The following AMBRA1 variants were observed in gnomAD, a reference collection of about 807,000 sequenced individuals.
The protein encoded by AMBRA1 is autophagy and beclin 1 regulator 1.
A neutral mutation model predicts 125.4 loss-of-function variants in AMBRA1; 47 were observed. The ratio of observed to expected loss-of-function variants is 0.37; its 90% CI spans 0.30 to 0.48. AMBRA1 has a LOEUF of 0.48. Ranked by LOEUF, AMBRA1 falls within the 20% of genes least tolerant of loss-of-function variation. The probability of loss-of-function intolerance (pLI) is 0.99; values close to 1 mark genes in which losing one functional copy is unlikely to be tolerated. For synonymous variants in AMBRA1, 626 were observed against 655.5 expected, an observed-to-expected ratio of 0.95 and a Z score of 0.69; for missense variants, 1,331 against 1,693.4, an observed-to-expected ratio of 0.79 and a Z score of 3.76.
intron 1 of AMBRA1, among the ~76,000 whole-genome samples, chr11:46,572,796 A>T (rs1224209045): frequency 6.6e-6 from 1 of 152,158 alleles, no homozygotes; most frequent in Non-Finnish European, 1.5e-5. Context: ...CACCAGATTT[A>T]AAAATAAGTA....
At chr11:46,415,118 G>A (rs1946476642) in intron 15 of AMBRA1, among the ~76,000 whole-genome samples, 2 of 152,204 alleles carry the variant, frequency 1.3e-5, no homozygotes, top group Admixed American at 6.5e-5. Flanking sequence ...GGGAATGGGT[G>A]TGCCAGGGAG....
At chr11:46,467,737 T>G (rs1296837424) in intron 11 of AMBRA1, among the ~76,000 whole-genome samples, 1 of 152,144 alleles carries the variant, frequency 6.6e-6, no homozygotes, top group Non-Finnish European at 1.5e-5. Context: ...TTTCACCATG[T>G]CAGCTAGGCT....
chr11:46,518,383 T>C (rs112698925), intron 7 of AMBRA1: 1,758 of 157,826 alleles, frequency 0.011, 43 homozygotes, highest in African/African-American at 0.05. Context: ...TGAGCCAAGA[T>C]AGCGCCGCTG....
chr11:46,572,021 A>G (rs1433967999), intron 1 of AMBRA1, among the ~76,000 whole-genome samples: 1 of 152,096 alleles, frequency 6.6e-6, no homozygotes, highest in Non-Finnish European at 1.5e-5. Flanking sequence ...TTAGATTCAC[A>G]GCCAGGCGTG....
In AMBRA1 at chr11:46,434,910, G is replaced by T. The variant is rs755920501; in HGVS notation, c.2760C>A (p.Ile920=). 1.9e-6 allele frequency: 3 copies of T among 1,614,132 alleles called. No individual in the cohort carries two copies. Among genetic ancestry groups the T allele is most frequent in the South Asian group, 2.2e-5 (2 of 91,062 alleles). Residue 920 remains isoleucine, a synonymous_variant, in exon 13 of 18, where the codon ATC becomes ATA. Coordinates refer to ENST00000683756, the MANE Select transcript of AMBRA1 (RefSeq NM_001387011.1). ...GGGGGGCCAGGGAGTACACTGCCAG[G>T]ATGCCTTCATCAGGAAAGCCCCTCT... The part of the protein sequence containing the change: ...SSQRGFPDEG[I]LAVYSLAPHN...
Position 46,542,826 on chromosome 11 carries a change from C to T in AMBRA1, c.1191G>A (p.Gly397=). The T allele has an allele frequency of 6.2e-7, 1 of 1,614,050 alleles. No homozygotes were observed. The highest frequency in any genetic ancestry group is 8.5e-7 in the Non-Finnish European group (1 of 1,179,996). ...SLGPTRRSLG[G]PLSSHPSRYH... ...ACCTAGAAGGGTGGCTAGACAGAGG[C>T]CCTCCCAAAGAGCGGCGGGTAGGAC... Residue 397 remains glycine (G), a synonymous_variant, in exon 7 of 18, where the codon GGG becomes GGA. Transcript: ENST00000683756. This position sits in a 1 kb window ranked among gnomAD's most constrained non-coding sequence, Gnocchi z 5.9.
At position 46,543,240 on chromosome 11, in the gene AMBRA1, T is replaced by C. The variant is rs375149264; in HGVS notation, c.777A>G (p.Gln259=). ...SRSSGIQVGE[Q]STVQDSATPS... is the part of the protein sequence containing the mutation. ...GGGTAGCAGAATCTTGCACTGTGCTTTGCTCTCCCACCTGGATGCCAGAAG... is the reference window on the plus strand; with the variant it reads ...GGGTAGCAGAATCTTGCACTGTGCTCTGCTCTCCCACCTGGATGCCAGAAG... Residue 259 remains glutamine, a synonymous_variant, in exon 7 of 18, where the codon CAA becomes CAG. Transcript: ENST00000683756. 165 of 1,613,286 alleles carry C rather than the reference T, an allele frequency of 1.0e-4. No homozygotes were observed. The highest frequency in any genetic ancestry group is 1.3e-4 in the Non-Finnish European group (154 of 1,179,894).
chr11:46,425,034 T>G (rs1456483565), intron 14 of AMBRA1, among the ~76,000 whole-genome samples: 3 of 152,196 alleles, frequency 2.0e-5, no homozygotes, highest in Admixed American at 6.5e-5. Flanking sequence ...CCTGGGAGGC[T>G]GAGGCAGGAG....
At chr11:46,491,436 G>A (rs1255341640) in intron 11 of AMBRA1, 2 of 152,108 alleles carry the variant, frequency 1.3e-5, no homozygotes, top group African/African-American at 2.4e-5. Context: ...TGTAAAGCAC[G>A]TAAAACACTC....
intron 1 of AMBRA1, among the ~76,000 whole-genome samples, chr11:46,590,954 T>G (rs568008114): frequency 1.3e-5 from 2 of 151,602 alleles, no homozygotes; most frequent in South Asian, 4.2e-4. Context: ...AAAAGCTGAA[T>G]GAACTTCTAT....
chr11:46,501,807 C>T (rs371813110), intron 9 of AMBRA1, among the ~76,000 whole-genome samples: 19 of 152,226 alleles, frequency 1.2e-4, no homozygotes, highest in African/African-American at 3.1e-4. Flanking sequence ...TGCTTGGTGA[C>T]GTTTTTGTAG....
intron 17 of AMBRA1, among the ~76,000 whole-genome samples, chr11:46,403,732 C>T (rs1417162558): frequency 6.6e-6 from 1 of 152,116 alleles, no homozygotes; most frequent in Non-Finnish European, 1.5e-5. Flanking sequence ...GAGGGCTCCT[C>T]CTGGAAGGCC....
Position 46,543,176 on chromosome 11 carries a change from G to A in AMBRA1, c.841C>T (p.Arg281Cys), listed in dbSNP as rs763377664. ...CTGATGTAAGCGGAAGTCCTGGGGC[G>A]CTCCGTGGAGGGCTGAGGGGGAGGC... ...PPPPPQPSTE[R>C]PRTSAYIRLR... The change falls in exon 7 of 18, where the codon CGC (arginine) becomes TGC (cysteine). Residue 281 changes from arginine to cysteine, a missense_variant. This residue lies in a region of AMBRA1 where 689 missense variants were observed against 776.5 expected (regional missense o/e 0.89). Coordinates refer to ENST00000683756, the MANE Select transcript of AMBRA1 (RefSeq NM_001387011.1). The A allele has an allele frequency of 5.3e-5, 83 of 1,570,594 alleles. No homozygotes were observed. Among genetic ancestry groups the A allele is most frequent in the African/African-American group, 8.1e-5 (6 of 73,910 alleles).
At position 46,419,691 on chromosome 11, in the gene AMBRA1, T is replaced by C. The variant is rs146772605; in HGVS notation, c.2977-1639A>G. ...TGCCTTTACCTGCCCCCAGGGTTGA[T>C]AGAAGGGGAAAAAAAGAGAAAACAA... On this transcript the variant is annotated intron_variant, in intron 14 of 17. Coordinates refer to ENST00000683756, the MANE Select transcript of AMBRA1 (RefSeq NM_001387011.1). 3.6e-4 allele frequency among the ~76,000 whole-genome samples: 54 copies of C among 152,082 alleles called. No homozygotes were observed. In the East Asian group the frequency reaches 5.6e-3, roughly 16 times the overall value.
chr11:46,401,062 C>T (rs1263646537), intron 17 of AMBRA1, among the ~76,000 whole-genome samples: 2 of 152,176 alleles, frequency 1.3e-5, no homozygotes, highest in African/African-American at 2.4e-5. Context: ...AGAGATTCTA[C>T]CCTGGGAGCC....
At chr11:46,428,529 G>A in intron 14 of AMBRA1, 9 of 869,658 alleles carry the variant, frequency 1.0e-5, no homozygotes, top group Non-Finnish European at 1.6e-5. Flanking sequence ...CAAGTTCCTA[G>A]TGCCTCTAGG....
intron 10 of AMBRA1, 183 bp from the exon 11 acceptor site, chr11:46,493,891 T>C: frequency 1.6e-6 from 1 of 641,656 alleles, no homozygotes; most frequent in Non-Finnish European, 2.7e-6. Context: ...CCCTTCCTTC[T>C]AAAGTTCCCC....
chr11:46,537,045 T>G (rs917318611), intron 7 of AMBRA1, among the ~76,000 whole-genome samples: 1 of 152,228 alleles, frequency 6.6e-6, no homozygotes, highest in East Asian at 1.9e-4. Context: ...TGCTGGAATT[T>G]TAATAGTGAA....
At chr11:46,549,447 T>G (rs2042922921) in intron 1 of AMBRA1, among the ~76,000 whole-genome samples, 1 of 152,190 alleles carries the variant, frequency 6.6e-6, no homozygotes. Context: ...TCTATCTCCA[T>G]GGATAGAGAT....
Sources: gnomAD v4.1 joint callset for allele counts (sites outside exome capture counted in the v4.1 genomes callset) on GRCh38, gnomAD v4.1.1 for gene constraint, gnomAD v4.1.1 regional missense constraint, Gnocchi (gnomAD v3.1) non-coding constraint, MANE v1.5 for transcripts, NCBI Gene and HGNC (gene_info 2026-07-23, HGNC 2026-07-21) for gene names.